METTL24: variants seen among roughly 807,000 people sequenced by gnomAD.
METTL24 encodes probable methyltransferase-like protein 24.
In METTL24, 29 loss-of-function variants were observed where a neutral mutation model predicts 32.7. That is an observed-to-expected ratio of 0.89 (90% confidence interval 0.66 to 1.21). METTL24 has a LOEUF of 1.21. METTL24 is among the 50% of genes most tolerant of loss of function. The pLI is 0.00. For missense variants in METTL24, 439 were observed against 468.1 expected (o/e 0.94, Z 0.57); for synonymous variants, 163 against 179.5 (o/e 0.91, Z 0.73).
In METTL24 at chr6:110,307,776, C is replaced by A. The variant is rs138914309; in HGVS notation, c.557+7566G>T. Reference sequence around the variant, plus strand: ...GACAATGAGTAGTTCCTGCTACAACCCATTTCTGAAATAATTAAGCAGTTA... The same window carrying A: ...GACAATGAGTAGTTCCTGCTACAACACATTTCTGAAATAATTAAGCAGTTA... On this transcript the variant is annotated intron_variant, in intron 3 of 4. Coordinates refer to ENST00000338882, the MANE Select transcript of METTL24 (RefSeq NM_001123364.3). Among the ~76,000 whole-genome samples, 715 of 152,246 alleles carry A rather than the reference C, an allele frequency of 4.7e-3. 8 individuals carry two copies. The highest frequency in any genetic ancestry group is 0.016 in the African/African-American group (665 of 41,540).
chr6:110,267,404 T>C (rs1487160201), intron 4 of METTL24, among the ~76,000 whole-genome samples: 2 of 152,236 alleles, frequency 1.3e-5, no homozygotes, highest in Admixed American at 1.3e-4. Flanking sequence ...TACTTATATA[T>C]ATCACTCATA....
intron 4 of METTL24, among the ~76,000 whole-genome samples, chr6:110,296,434 A>C (rs1177549613): frequency 1.3e-5 from 2 of 152,230 alleles, no homozygotes. Flanking sequence ...CTGGGCTTCT[A>C]ATCCACATGG....
At chr6:110,282,317 T>C (rs926210203) in intron 4 of METTL24, among the ~76,000 whole-genome samples, 2 of 152,100 alleles carry the variant, frequency 1.3e-5, no homozygotes, top group Admixed American at 1.3e-4. Context: ...TGATACTTCA[T>C]CCCCAGTAAT....
At chr6:110,330,475 GAGA>G (rs915740610) in intron 1 of METTL24, among the ~76,000 whole-genome samples, 3 of 152,238 alleles carry the variant, frequency 2.0e-5, no homozygotes, top group Non-Finnish European at 4.4e-5. Flanking sequence ...GGAAACTGGG[GAGA>G]AGGAGTAGCT....
intron 4 of METTL24, among the ~76,000 whole-genome samples, chr6:110,274,980 G>A (rs1032090825): frequency 2.6e-5 from 4 of 150,994 alleles, no homozygotes; most frequent in Admixed American, 6.6e-5. Context: ...TGTATTTTTT[G>A]TAGAGACGGG....
chr6:110,311,584 C>T (rs566615014), intron 3 of METTL24, among the ~76,000 whole-genome samples: 180 of 151,070 alleles, frequency 1.2e-3, no homozygotes, highest in Middle Eastern at 6.8e-3. Context: ...AGTGATTCTC[C>T]AGCCTCAGCC....
At chr6:110,261,659 A>G (rs1275878040) in intron 4 of METTL24, among the ~76,000 whole-genome samples, 2 of 152,222 alleles carry the variant, frequency 1.3e-5, no homozygotes, top group Non-Finnish European at 2.9e-5. Context: ...TCAACAATAT[A>G]TACATTCTTC....
At chr6:110,312,218 T>A (rs1425428756) in intron 3 of METTL24, among the ~76,000 whole-genome samples, 1 of 152,168 alleles carries the variant, frequency 6.6e-6, no homozygotes, top group Non-Finnish European at 1.5e-5. Flanking sequence ...TGGCAAGGAT[T>A]TAGAGAAAAG....
chr6:110,312,010 CTGTTGAT>C (rs1030689164), intron 3 of METTL24, among the ~76,000 whole-genome samples: 5 of 152,142 alleles, frequency 3.3e-5, no homozygotes, highest in African/African-American at 1.2e-4. Context: ...TCTCTTCACT[CTGTTGAT>C]TGTTTCTTTT....
intron 4 of METTL24, among the ~76,000 whole-genome samples, chr6:110,265,883 T>TCTTCCTCCTCCTCCTC (rs764129987): frequency 8.0e-5 from 12 of 150,150 alleles, no homozygotes; most frequent in African/African-American, 2.5e-4. Flanking sequence ...TCCTTCTTCC[T>TCTTCCTCCTCCTCCTC]CTTCCTCCTC....
At chr6:110,328,854 T>C (rs1378172708) in intron 1 of METTL24, among the ~76,000 whole-genome samples, 1 of 152,234 alleles carries the variant, frequency 6.6e-6, no homozygotes, top group Non-Finnish European at 1.5e-5. Flanking sequence ...AAGCTTTCTT[T>C]GTTGTAAAAT....
intron 4 of METTL24, among the ~76,000 whole-genome samples, chr6:110,286,864 C>G (rs1323665527): frequency 6.6e-6 from 1 of 152,172 alleles, no homozygotes; most frequent in Non-Finnish European, 1.5e-5. Flanking sequence ...ACTGGCCTAG[C>G]CGGATGCTTC....
chr6:110,272,601 C>T (rs1409669302), intron 4 of METTL24, among the ~76,000 whole-genome samples: 1 of 152,172 alleles, frequency 6.6e-6, no homozygotes. Flanking sequence ...GTAAAGTGTT[C>T]CCATTTTACC....
At chr6:110,334,216 C>CA (rs1262661696) in intron 1 of METTL24, among the ~76,000 whole-genome samples, 1 of 152,178 alleles carries the variant, frequency 6.6e-6, no homozygotes, top group Admixed American at 6.5e-5. Context: ...TGGTGGCTCT[C>CA]AGCCCACATC....
At chr6:110,317,719 A>T (rs769122875) in intron 2 of METTL24, among the ~76,000 whole-genome samples, 1 of 152,084 alleles carries the variant, frequency 6.6e-6, no homozygotes, top group African/African-American at 2.4e-5. Context: ...GACCTTGCTC[A>T]TCATTCCCTC....
At chr6:110,314,771 GGGCAACAT>G (rs1771787266) in intron 3 of METTL24, among the ~76,000 whole-genome samples, 1 of 152,028 alleles carries the variant, frequency 6.6e-6, no homozygotes, top group African/African-American at 2.4e-5. Context: ...AGACCAACCT[GGGCAACAT>G]GGCAAAACCC....
At chr6:110,299,197 C>CAAA in intron 3 of METTL24, 47 bp from the exon 4 acceptor site, 1 of 1,549,332 alleles carries the variant, frequency 6.5e-7, no homozygotes, top group Non-Finnish European at 8.9e-7. Context: ...TGCAATGAAG[C>CAAA]AAAGTGTTGG....
intron 2 of METTL24, among the ~76,000 whole-genome samples, chr6:110,315,946 A>G (rs1242535704): frequency 1.3e-5 from 2 of 152,190 alleles, no homozygotes; most frequent in Non-Finnish European, 2.9e-5. Context: ...AGGCACAATG[A>G]TAGGCATAGA....
intron 4 of METTL24, among the ~76,000 whole-genome samples, chr6:110,277,229 C>T (rs1771063286): frequency 6.6e-6 from 1 of 152,132 alleles, no homozygotes; most frequent in Non-Finnish European, 1.5e-5. Context: ...TCGTTGCTAT[C>T]CCCAATTTGA....
Sources: allele counts gnomAD v4.1 joint callset (sites outside exome capture counted in the v4.1 genomes callset), GRCh38; gene constraint gnomAD v4.1.1; transcripts MANE v1.5; gene names NCBI Gene and HGNC (gene_info 2026-07-23, HGNC 2026-07-21).